Variants in SNTG1 observed in about 807,000 individuals in gnomAD.
The protein encoded by SNTG1 is gamma-1-syntrophin.
Under a neutral mutation model 74.7 loss-of-function variants are expected in SNTG1, and 39 were observed. The ratio of observed to expected loss-of-function variants is 0.52; its 90% CI spans 0.40 to 0.68. The LOEUF is 0.68. Ranked by LOEUF, SNTG1 falls within the 30% of genes least tolerant of loss-of-function variation. The pLI, the probability that SNTG1 is intolerant of heterozygous loss-of-function variation, is 0.00. For synonymous variants in SNTG1, 254 were observed against 217.1 expected, an observed-to-expected ratio of 1.17 and a Z score of -1.49; for missense variants, 685 against 609.5, an observed-to-expected ratio of 1.12 and a Z score of -1.30.
Position 50,658,623 on chromosome 8 carries a change from A to G in SNTG1, c.998A>G (p.Lys333Arg). The stretch of plus-strand genomic sequence containing the variant: ...ACCTGGGACTGGACGAGAGCAGAGA[A>G]AACATTCTCAGTTTATGAGATTATG... Reference protein sequence around the residue: ...VTTWDWTRAEKTFSVYEIMCK... With the variant: ...VTTWDWTRAERTFSVYEIMCK... The change falls in exon 15 of 19, where the codon AAA (lysine) becomes AGA (arginine). Residue 333 changes from lysine to arginine, a missense_variant. Coordinates refer to ENST00000642720, the MANE Select transcript of SNTG1 (RefSeq NM_018967.5). 1 of 1,610,612 alleles carries G rather than the reference A, an allele frequency of 6.2e-7. No individual in the cohort carries two copies.
intron 15 of SNTG1, among the ~76,000 whole-genome samples, chr8:50,670,884 C>T (rs1229334938): frequency 1.3e-4 from 20 of 151,526 alleles, no homozygotes; most frequent in East Asian, 3.9e-4. Flanking sequence ...TCAGAAATGA[C>T]GCCACATATC....
intron 4 of SNTG1, among the ~76,000 whole-genome samples, chr8:50,431,241 A>G (rs1005511540): frequency 6.6e-6 from 1 of 152,174 alleles, no homozygotes; most frequent in African/African-American, 2.4e-5. Flanking sequence ...TATCATATAG[A>G]ATAGTTTCCT....
intron 18 of SNTG1, among the ~76,000 whole-genome samples, chr8:50,786,451 A>T (rs1365170908): frequency 6.6e-6 from 1 of 152,026 alleles, no homozygotes; most frequent in Non-Finnish European, 1.5e-5. Context: ...ATTAATATGC[A>T]GATTTAAGAA....
chr8:50,157,314 T>C (rs2082283698), intron 1 of SNTG1, among the ~76,000 whole-genome samples: 1 of 152,098 alleles, frequency 6.6e-6, no homozygotes, highest in Non-Finnish European at 1.5e-5. Context: ...ATGTTCTGTA[T>C]CTTGATCAGA....
intron 1 of SNTG1, among the ~76,000 whole-genome samples, chr8:50,055,138 T>G (rs561726580): frequency 6.6e-6 from 1 of 152,140 alleles, no homozygotes. Flanking sequence ...CTTCAATGGC[T>G]CCACCTAGCT....
intron 8 of SNTG1, 133 bp downstream of exon 8, chr8:50,450,862 TTC>T (rs1267238094): frequency 4.6e-6 from 4 of 871,096 alleles, no homozygotes; most frequent in Non-Finnish European, 6.9e-6. Flanking sequence ...TTTTCAAATG[TTC>T]TCTTAATTTT....
intron 8 of SNTG1, among the ~76,000 whole-genome samples, chr8:50,466,616 C>T (rs1563425952): frequency 6.6e-6 from 1 of 151,902 alleles, no homozygotes; most frequent in Non-Finnish European, 1.5e-5. Context: ...ATTCATTGAT[C>T]AGTTTGAGAA....
chr8:49,981,704 A>G (rs75357319), intron 1 of SNTG1, among the ~76,000 whole-genome samples: 7,461 of 152,274 alleles, frequency 0.049, 603 homozygotes, highest in African/African-American at 0.17. Context: ...TTGTTGAAAT[A>G]CTATAATCTT....
chr8:50,660,297 GAGAA>G (rs933027357), intron 15 of SNTG1, among the ~76,000 whole-genome samples: 19 of 144,614 alleles, frequency 1.3e-4, no homozygotes, highest in African/African-American at 2.4e-4. Context: ...AAGAAAGAAA[GAGAA>G]AGAAAGAGAG....
At chr8:50,549,209 T>C (rs2130562557) in intron 11 of SNTG1, among the ~76,000 whole-genome samples, 1 of 152,196 alleles carries the variant, frequency 6.6e-6, no homozygotes, top group South Asian at 2.1e-4. Context: ...GTTTTGTGCC[T>C]GAAAAATTAA....
chr8:50,658,888 T>A (rs1271551935), intron 15 of SNTG1, among the ~76,000 whole-genome samples: 3 of 152,320 alleles, frequency 2.0e-5, no homozygotes, highest in Non-Finnish European at 4.4e-5. Context: ...GCAAGCAGAC[T>A]CTGCAGTCCC....
At chr8:50,494,215 T>C (rs2093884211) in intron 8 of SNTG1, among the ~76,000 whole-genome samples, 1 of 151,828 alleles carries the variant, frequency 6.6e-6, no homozygotes, top group South Asian at 2.1e-4. Context: ...TTCATAATAA[T>C]TCATGGATAT....
At chr8:50,163,145 GTC>G (rs1314416074) in intron 1 of SNTG1, among the ~76,000 whole-genome samples, 1 of 152,084 alleles carries the variant, frequency 6.6e-6, no homozygotes, top group Non-Finnish European at 1.5e-5. Flanking sequence ...GCCCTTTCTG[GTC>G]TCTCTGTAGA....
chr8:50,429,471 C>T (rs541424272), intron 4 of SNTG1, among the ~76,000 whole-genome samples: 11 of 152,134 alleles, frequency 7.2e-5, no homozygotes, highest in African/African-American at 2.7e-4. Context: ...ACACCACATA[C>T]AAAAGTTAAT....
At chr8:50,782,234 G>A (rs1426883374) in intron 18 of SNTG1, among the ~76,000 whole-genome samples, 2 of 152,070 alleles carry the variant, frequency 1.3e-5, no homozygotes, top group African/African-American at 4.8e-5. Flanking sequence ...TGTATTTCCT[G>A]AATCTCAATG....
chr8:50,239,920 A>G (rs995927194), intron 2 of SNTG1, among the ~76,000 whole-genome samples: 6 of 152,214 alleles, frequency 3.9e-5, no homozygotes, highest in Non-Finnish European at 5.9e-5. Context: ...AACAGCATCA[A>G]TTTAAAAATC....
chr8:50,462,786 A>G lies in SNTG1; in HGVS notation c.363+12057A>G, dbSNP rs2093575647. Among the ~76,000 whole-genome samples, 2 of 121,282 alleles carry G rather than the reference A, an allele frequency of 1.6e-5. 1 individual carries two copies. Among genetic ancestry groups the G allele is most frequent in the Non-Finnish European group, 3.3e-5 (2 of 61,476 alleles). The allele number at this position is 121,282 out of a possible 152,430, so 79.6% of individuals were successfully genotyped here. On this transcript the variant is annotated intron_variant, in intron 8 of 18. Transcript: ENST00000642720. ...GTGGCAGCAACTCAGTCGCATCTTC[A>G]GGTTCTACTCTTTTTTTTTTTTTTT...
chr8:50,019,555 T>G (rs1387390800), intron 1 of SNTG1, among the ~76,000 whole-genome samples: 1 of 152,118 alleles, frequency 6.6e-6, no homozygotes, highest in Non-Finnish European at 1.5e-5. Flanking sequence ...AATGCATCTG[T>G]TCATCATACA....
chr8:50,069,422 A>G lies in SNTG1; in HGVS notation c.-102-103139A>G, dbSNP rs1821163953. Among the ~76,000 whole-genome samples the G allele has an allele frequency of 3.3e-5, 5 of 152,282 alleles. No homozygotes were observed. In the South Asian group the frequency reaches 1.0e-3, roughly 32 times the overall value. ...CTATAAAACAATTCAGTGATCATAA[A>G]GTTATTATCCACAGAATATTTACTG... On this transcript the variant is annotated intron_variant, in intron 1 of 18. Transcript: ENST00000642720.
Sources: allele counts gnomAD v4.1 joint callset (sites outside exome capture counted in the v4.1 genomes callset), GRCh38; gene constraint gnomAD v4.1.1; transcripts MANE v1.5; gene names NCBI Gene and HGNC (gene_info 2026-07-23, HGNC 2026-07-21).